The following CTNND2 variants were observed in gnomAD, a reference collection of about 807,000 sequenced individuals.
The protein encoded by CTNND2 is catenin delta 2, also known as catenin delta-2.
In CTNND2, 22 loss-of-function variants were observed where a neutral mutation model predicts 144.4. The ratio of observed to expected loss-of-function variants is 0.15; its 90% CI spans 0.11 to 0.22. The LOEUF is 0.22. Ranked by LOEUF, CTNND2 falls within the 10% of genes least tolerant of loss-of-function variation. The pLI, the probability that CTNND2 is intolerant of heterozygous loss-of-function variation, is 1.00. For missense variants in CTNND2, 1,353 were observed against 1,618.8 expected (o/e 0.84, Z 2.82); for synonymous variants, 751 against 695.6 (o/e 1.08, Z -1.25).
intron 5 of CTNND2, among the ~76,000 whole-genome samples, chr5:11,409,767 C>T (rs1455598255): frequency 3.2e-4 from 48 of 152,042 alleles, no homozygotes; most frequent in Admixed American, 3.1e-3. Flanking sequence ...TTGACCATTC[C>T]TTTAATTTCA....
intron 9 of CTNND2, among the ~76,000 whole-genome samples, chr5:11,325,138 G>T (rs1027990003): frequency 6.6e-6 from 1 of 152,054 alleles, no homozygotes; most frequent in African/African-American, 2.4e-5. Context: ...ATTTTCCTTT[G>T]CAGGCTTACG....
intron 2 of CTNND2, among the ~76,000 whole-genome samples, chr5:11,688,068 T>TG (rs1191908952): frequency 1.3e-5 from 2 of 152,140 alleles, no homozygotes; most frequent in Admixed American, 6.5e-5. Flanking sequence ...AAAGTGGTGG[T>TG]GGAGCAGATC....
At chr5:11,415,405 A>C (rs1055311266) in intron 3 of CTNND2, among the ~76,000 whole-genome samples, 1 of 152,124 alleles carries the variant, frequency 6.6e-6, no homozygotes, top group Non-Finnish European at 1.5e-5. Flanking sequence ...GGAATTCCAG[A>C]CTAGCCTGGG....
intron 2 of CTNND2, among the ~76,000 whole-genome samples, chr5:11,610,149 G>A (rs538668085): frequency 4.5e-4 from 69 of 152,184 alleles, no homozygotes; most frequent in African/African-American, 1.6e-3. Context: ...GATCAAAGCC[G>A]CTTGGCTGTT....
intron 1 of CTNND2, among the ~76,000 whole-genome samples, chr5:11,758,197 A>C (rs576152428): frequency 6.6e-6 from 1 of 151,978 alleles, no homozygotes; most frequent in Non-Finnish European, 1.5e-5. Flanking sequence ...ATTCCCTATG[A>C]TACCAATATC....
intron 12 of CTNND2, among the ~76,000 whole-genome samples, chr5:11,143,401 A>G (rs1332004421): frequency 1.3e-5 from 2 of 151,946 alleles, no homozygotes; most frequent in East Asian, 1.9e-4. Flanking sequence ...AAGGGTTGTG[A>G]AAAAAAACTC....
chr5:10,998,751 T>A (rs1463025547), intron 18 of CTNND2, among the ~76,000 whole-genome samples: 2 of 152,202 alleles, frequency 1.3e-5, no homozygotes, highest in Non-Finnish European at 2.9e-5. Flanking sequence ...TTGTCATCCT[T>A]CCCTAAACAA....
At chr5:11,727,150 T>A (rs941136598) in intron 2 of CTNND2, among the ~76,000 whole-genome samples, 2 of 152,172 alleles carry the variant, frequency 1.3e-5, no homozygotes, top group Non-Finnish European at 2.9e-5. Flanking sequence ...ATGCACAGGG[T>A]TAACAAGTAA....
At chr5:11,493,144 AT>A (rs1769601331) in intron 3 of CTNND2, among the ~76,000 whole-genome samples, 2 of 152,302 alleles carry the variant, frequency 1.3e-5, no homozygotes, top group South Asian at 4.1e-4. Flanking sequence ...TCATGCAATT[AT>A]TCTTACAGTT....
At chr5:11,360,046 G>A (rs949216863) in intron 8 of CTNND2, among the ~76,000 whole-genome samples, 7 of 152,142 alleles carry the variant, frequency 4.6e-5, no homozygotes, top group African/African-American at 1.7e-4. Flanking sequence ...TTTTGGGTTA[G>A]GAAAGCCTGG....
intron 9 of CTNND2, among the ~76,000 whole-genome samples, chr5:11,263,340 A>G (rs569829963): frequency 6.6e-6 from 1 of 152,354 alleles, no homozygotes; most frequent in Admixed American, 6.5e-5. Context: ...GCAACCAAGG[A>G]AATGATTAAA....
intron 6 of CTNND2, among the ~76,000 whole-genome samples, chr5:11,392,141 C>G (rs146229092): frequency 8.5e-5 from 13 of 152,290 alleles, no homozygotes; most frequent in Non-Finnish European, 1.0e-4. Context: ...AAGGAGGCGG[C>G]AATGGATTCA....
intron 12 of CTNND2, among the ~76,000 whole-genome samples, chr5:11,126,738 A>T (rs776683145): frequency 2.0e-5 from 3 of 152,244 alleles, no homozygotes; most frequent in Non-Finnish European, 4.4e-5. Context: ...GCTGAAATGG[A>T]TGAAAATTTT....
chr5:11,595,654 G>C (rs1003673733), intron 2 of CTNND2, among the ~76,000 whole-genome samples: 2 of 152,068 alleles, frequency 1.3e-5, no homozygotes, highest in African/African-American at 4.8e-5. Flanking sequence ...GGAATGTATA[G>C]TTGACCATCT....
At chr5:11,846,618 C>G (rs1794747708) in intron 1 of CTNND2, among the ~76,000 whole-genome samples, 1 of 152,106 alleles carries the variant, frequency 6.6e-6, no homozygotes, top group Non-Finnish European at 1.5e-5. Flanking sequence ...AACTCAAAAG[C>G]TTCTGAACAG....
At position 10,988,169 on chromosome 5, in the gene CTNND2, G is replaced by A; in HGVS notation, c.3285C>T (p.Ser1095=). Residue 1095 remains serine, a synonymous_variant, in exon 20 of 22, where the codon AGC becomes AGT. Coordinates refer to ENST00000304623, the MANE Select transcript of CTNND2 (RefSeq NM_001332.4). This position sits in a 1 kb window ranked among gnomAD's most constrained non-coding sequence, Gnocchi z 5.9. ...ERKTDYECTG[S]NATYHGAKGE... ...CTTTAGCTCCGTGGTAGGTGGCGTT[G>A]CTGCCGGTGCACTCGTAGTCTGTTT... The A allele has an allele frequency of 6.2e-7, 1 of 1,614,206 alleles. No individual in the cohort carries two copies.
intron 15 of CTNND2, among the ~76,000 whole-genome samples, chr5:11,090,193 G>A (rs1273875973): frequency 2.0e-5 from 3 of 152,158 alleles, no homozygotes; most frequent in African/African-American, 4.8e-5. Flanking sequence ...TGGCATGTCC[G>A]GAGCCACCAT....
In CTNND2 at chr5:11,129,098, A is replaced by AAATAAAATATATATATTATATAT. The variant is rs1337361815; in HGVS notation, c.2160-11554_2160-11532dup. Among the ~76,000 whole-genome samples, 5 of 31,746 alleles carry AAATAAAATATATATATTATATAT rather than the reference A, an allele frequency of 1.6e-4. 1 individual carries two copies. The highest frequency in any genetic ancestry group is 6.9e-4 in the Admixed American group (1 of 1,448). The allele number at this position is 31,746 out of a possible 152,430, so 20.8% of individuals were successfully genotyped here. ...TAAATAAAATATATATATTATATAT[A>AAATAAAATATATATATTATATAT]AATAAAATATATATATTATATATAA... On this transcript the variant is annotated intron_variant, in intron 12 of 21. Coordinates refer to ENST00000304623, the MANE Select transcript of CTNND2 (RefSeq NM_001332.4).
intron 9 of CTNND2, among the ~76,000 whole-genome samples, chr5:11,276,557 C>T (rs192275965): frequency 7.2e-5 from 11 of 152,290 alleles, no homozygotes; most frequent in Non-Finnish European, 1.3e-4. Flanking sequence ...TCCAGTCTCA[C>T]GACTTTAACT....
Sources: gnomAD v4.1 joint callset for allele counts (sites outside exome capture counted in the v4.1 genomes callset) on GRCh38, gnomAD v4.1.1 for gene constraint, Gnocchi (gnomAD v3.1) non-coding constraint, MANE v1.5 for transcripts, NCBI Gene and HGNC (gene_info 2026-07-23, HGNC 2026-07-21) for gene names.